The following XRCC6 variants were observed in gnomAD, a reference collection of about 807,000 sequenced individuals.
The protein encoded by XRCC6 is X-ray repair cross complementing 6.
XRCC6 carries 5 observed loss-of-function variants against 65.7 expected under a neutral mutation model. That is an observed-to-expected ratio of 0.08 (90% CI 0.04 to 0.16). The LOEUF (loss-of-function observed/expected upper bound fraction) is 0.16, where lower values mean the gene tolerates loss of function less well. Among genes scored for constraint, XRCC6 ranks in the 10% least tolerant of loss-of-function variants. The probability of loss-of-function intolerance (pLI) is 1.00; values close to 1 mark genes in which losing one functional copy is unlikely to be tolerated. For missense variants in XRCC6, 447 were observed against 738.1 expected (o/e 0.61, Z 4.57); for synonymous variants, 270 against 270.6 (o/e 1.00, Z 0.02).
intron 8 of XRCC6, among the ~76,000 whole-genome samples, chr22:41,651,361 A>ATTTTTTTTTTTTTTTTTTTTTTT (rs764795746): frequency 2.0e-5 from 1 of 49,676 alleles, no homozygotes; most frequent in African/African-American, 6.2e-5. Context: ...AGTTAAACAG[A>ATTTTTTTTTTTTTTTTTTTTTTT]TTTTTTTTTT....
At chr22:41,640,887 G>A (rs954921855) in intron 6 of XRCC6, among the ~76,000 whole-genome samples, 2 of 152,248 alleles carry the variant, frequency 1.3e-5, no homozygotes, top group East Asian at 3.9e-4. Flanking sequence ...TTGGATTCTA[G>A]TCCTGGTCCC....
chr22:41,628,706 C>T (rs991967440), intron 3 of XRCC6, among the ~76,000 whole-genome samples: 4 of 152,048 alleles, frequency 2.6e-5, no homozygotes, highest in African/African-American at 7.2e-5. Flanking sequence ...CGTGGTGGCT[C>T]ATGTCTATAA....
chr22:41,629,355 T>C (rs1288403611), intron 3 of XRCC6, among the ~76,000 whole-genome samples: 7 of 152,208 alleles, frequency 4.6e-5, no homozygotes, highest in African/African-American at 1.2e-4. Flanking sequence ...CATATAGATA[T>C]ACATTCCATG....
chr22:41,661,528 G>A (rs2068099347), intron 12 of XRCC6, 84 bp downstream of exon 12: 1 of 1,140,538 alleles, frequency 8.8e-7, no homozygotes, highest in Non-Finnish European at 1.3e-6. Context: ...TATCCTTTCA[G>A]AAATATCTAT....
In XRCC6 at chr22:41,628,105, T is replaced by A. The variant is rs555851210; in HGVS notation, c.83-13T>A. The A allele has an allele frequency of 2.5e-6, 4 of 1,570,762 alleles. No homozygotes were observed. The highest frequency in any genetic ancestry group is 1.2e-5 in the South Asian group (1 of 86,448). On this transcript the variant is annotated splice_polypyrimidine_tract_variant and intron_variant, in intron 2 of 12. Transcript: ENST00000360079. ...ACAAGGACAAACATTTTCTTCCATT[T>A]TTTTCCCCATAGGAGACTATAAATA...
chr22:41,624,983 C>T (rs113179256), intron 2 of XRCC6, among the ~76,000 whole-genome samples: 7,436 of 151,708 alleles, frequency 0.049, 590 homozygotes, highest in African/African-American at 0.17. Flanking sequence ...GGCGACAGAG[C>T]GAGACTCCGT....
At chr22:41,648,597 CTA>C (rs2067959813) in intron 7 of XRCC6, among the ~76,000 whole-genome samples, 1 of 151,952 alleles carries the variant, frequency 6.6e-6, no homozygotes, top group Non-Finnish European at 1.5e-5. Flanking sequence ...TTTGCTCAGT[CTA>C]TAGAGGGATT....
At chr22:41,647,351 G>A (rs965523139) in intron 7 of XRCC6, among the ~76,000 whole-genome samples, 3 of 152,110 alleles carry the variant, frequency 2.0e-5, no homozygotes, top group Admixed American at 6.6e-5. Context: ...GGGAGGCCGA[G>A]GCAGGTGGAT....
At chr22:41,649,139 A>AAATAT in intron 7 of XRCC6, among the ~76,000 whole-genome samples, 35 of 88,726 alleles carry the variant, frequency 3.9e-4, no homozygotes, top group African/African-American at 1.4e-3. Context: ...AAAAAAAAAA[A>AAATAT]ATATATATAT....
chr22:41,650,221 C>G (rs1016794654), intron 7 of XRCC6, among the ~76,000 whole-genome samples: 1 of 151,948 alleles, frequency 6.6e-6, no homozygotes, highest in Non-Finnish European at 1.5e-5. Context: ...CCTCCAGTCT[C>G]AGCCTCCCAA....
rs1279289006 is a variant in XRCC6, at chr22:41,647,031, T to C, written c.909T>C (p.Phe303=). ...CAGTGAAAACCAAGACCCGGACCTT[T>C]AATACAAGTACAGGCGGTTTGCTTC... ...NEPVKTKTRT[F]NTSTGGLLLP... is the part of the protein sequence containing the mutation. The change falls in exon 7 of 13, where the codon TTT becomes TTC. Residue 303 remains phenylalanine, a synonymous_variant. Transcript: ENST00000360079. 1.1e-5 allele frequency: 18 copies of C among 1,614,074 alleles called. No individual in the cohort carries two copies. Among genetic ancestry groups the C allele is most frequent in the Non-Finnish European group, 1.5e-5 (18 of 1,180,050 alleles).
chr22:41,635,985 G>T, intron 3 of XRCC6, 128 bp from the exon 4 acceptor site: 1 of 734,148 alleles, frequency 1.4e-6, no homozygotes, highest in South Asian at 2.8e-5. Context: ...CCTGAAGGTA[G>T]GGATCTTGCC....
intron 6 of XRCC6, among the ~76,000 whole-genome samples, chr22:41,638,771 C>T (rs1007765089): frequency 2.5e-4 from 30 of 118,972 alleles, no homozygotes; most frequent in African/African-American, 1.1e-3. Context: ...AGTGAGACTC[C>T]GCCTCAAAAA....
intron 5 of XRCC6, 37 bp from the exon 6 acceptor site, chr22:41,637,571 T>G: frequency 2.7e-6 from 4 of 1,499,074 alleles, no homozygotes; most frequent in African/African-American, 1.4e-5. Flanking sequence ...CTGAAAATTG[T>G]TTTTTCCTCC....
intron 6 of XRCC6, among the ~76,000 whole-genome samples, chr22:41,640,876 T>C (rs2067868317): frequency 6.6e-6 from 1 of 152,152 alleles, no homozygotes; most frequent in Admixed American, 6.5e-5. Context: ...TGTCAGATTG[T>C]TTGGATTCTA....
chr22:41,654,342 A>C (rs1008026404), intron 9 of XRCC6, among the ~76,000 whole-genome samples: 2 of 152,120 alleles, frequency 1.3e-5, no homozygotes, highest in Non-Finnish European at 2.9e-5. Context: ...CATGCTCAGG[A>C]GTGCTCAGTT....
intron 2 of XRCC6, among the ~76,000 whole-genome samples, chr22:41,627,580 C>T (rs1426311786): frequency 7.2e-6 from 1 of 139,326 alleles, no homozygotes. Flanking sequence ...CACTGTACTC[C>T]ACCCTGGCAA....
chr22:41,646,932 T>C lies in XRCC6; in HGVS notation c.810T>C (p.Ser270=). ...KLKLNKDIVI[S]VGIYNLVQKA... ...AGCTCAACAAAGATATAGTGATCTC[T>C]GTGGGCATTTATAATCTGGTCCAGA... The change falls in exon 7 of 13, where the codon TCT becomes TCC. Residue 270 remains serine, a synonymous_variant. Transcript: ENST00000360079. The C allele has an allele frequency of 6.2e-7, 1 of 1,613,924 alleles. No individual in the cohort carries two copies. Among genetic ancestry groups the C allele is most frequent in the South Asian group, 1.1e-5 (1 of 91,070 alleles).
intron 3 of XRCC6, 66 bp from the exon 4 acceptor site, chr22:41,636,047 G>C (rs2147082520): frequency 7.1e-7 from 1 of 1,418,094 alleles, no homozygotes; most frequent in East Asian, 2.4e-5. Flanking sequence ...GCAACTAATA[G>C]GTACTGAGCA....
Sources: allele counts gnomAD v4.1 joint callset (sites outside exome capture counted in the v4.1 genomes callset), GRCh38; gene constraint gnomAD v4.1.1; transcripts MANE v1.5; gene names NCBI Gene and HGNC (gene_info 2026-07-23, HGNC 2026-07-21).